The following ASTL variants were observed in gnomAD, a reference collection of about 807,000 sequenced individuals.
The protein encoded by ASTL is astacin-like metalloendopeptidase.
A neutral mutation model predicts 36.7 loss-of-function variants in ASTL; 27 were observed. The ratio of observed to expected loss-of-function variants is 0.73; its 90% CI spans 0.54 to 1.01. The LOEUF (loss-of-function observed/expected upper bound fraction) is 1.01. Among genes scored for constraint, ASTL ranks in the 50% least tolerant of loss-of-function variants. ASTL has a pLI of 0.00. For missense variants in ASTL, 524 were observed against 572.8 expected (o/e 0.91, Z 0.87); for synonymous variants, 222 against 228.1 (o/e 0.97, Z 0.24).
In ASTL at chr2:96,138,403, G is replaced by A. The variant is rs1010705297; in HGVS notation, c.34C>T (p.Leu12=). 24 of 1,610,628 alleles carry A rather than the reference G, an allele frequency of 1.5e-5. No homozygotes were observed. Among genetic ancestry groups the A allele is most frequent in the Non-Finnish European group, 2.0e-5 (23 of 1,178,538 alleles). ...EGVGGLWPWV[L]GLLSLPGVIL... is the part of the protein sequence containing the mutation. ...TTACCTGGCAAGGAGAGCAGACCCA[G>A]CACCCAAGGCCAGAGACCCCCTACA... The change falls in exon 1 of 9, where the codon CTG becomes TTG. Residue 12 remains leucine, a synonymous_variant. Transcript: ENST00000342380.
rs1303196059 is a variant in ASTL, at chr2:96,137,543, C to T, written c.181+32G>A. 5 of 1,608,294 alleles carry T rather than the reference C, an allele frequency of 3.1e-6. No homozygotes were observed. The South Asian group carries it at 5.5e-5, about 18-fold the overall frequency. ...TTTCACACTACATAACGTCGTGCCCCTCCAGGCCGTGAGAAGATGTAGTGC... is the reference window on the plus strand; with the variant it reads ...TTTCACACTACATAACGTCGTGCCCTTCCAGGCCGTGAGAAGATGTAGTGC... On this transcript the variant is annotated intron_variant, in intron 2 of 8. Coordinates refer to ENST00000342380, the MANE Select transcript of ASTL (RefSeq NM_001002036.4).
At position 96,130,625 on chromosome 2, in the gene ASTL, C is replaced by T. The variant is rs188220114; in HGVS notation, c.638-480G>A. 4.8e-4 allele frequency among the ~76,000 whole-genome samples: 73 copies of T among 152,334 alleles called. 1 individual carries two copies. The East Asian group carries it at 0.012, about 25-fold the overall frequency. Reference sequence around the variant, plus strand: ...GTTCTTCCTGTGTCAGGCCACAACACTTCCCCAGATTTGGAGCCCATCTCC... The same window carrying T: ...GTTCTTCCTGTGTCAGGCCACAACATTTCCCCAGATTTGGAGCCCATCTCC... On this transcript the variant is annotated intron_variant, in intron 6 of 8. Coordinates refer to ENST00000342380, the MANE Select transcript of ASTL (RefSeq NM_001002036.4).
At chr2:96,127,747 AT>A (rs879828090) in intron 8 of ASTL, among the ~76,000 whole-genome samples, 13 of 151,624 alleles carry the variant, frequency 8.6e-5, no homozygotes, top group Admixed American at 1.3e-4. Context: ...TAATTTTTGT[AT>A]TTTTTTTAAG....
In ASTL at chr2:96,130,689, C is replaced by G. The variant is rs530670357; in HGVS notation, c.638-544G>C. ...CCCCCAGGCCTTCAGAGGGATTGCTCCCCCAATCCTCCCAAATCCAGCCAG... is the reference window on the plus strand; with the variant it reads ...CCCCCAGGCCTTCAGAGGGATTGCTGCCCCAATCCTCCCAAATCCAGCCAG... On this transcript the variant is annotated intron_variant, in intron 6 of 8. Coordinates refer to ENST00000342380, the MANE Select transcript of ASTL (RefSeq NM_001002036.4). Among the ~76,000 whole-genome samples the G allele has an allele frequency of 7.2e-5, 11 of 152,146 alleles. No homozygotes were observed. In the South Asian group the frequency reaches 8.3e-4, roughly 11 times the overall value.
intron 6 of ASTL, among the ~76,000 whole-genome samples, chr2:96,131,091 A>G (rs1442278321): frequency 6.6e-6 from 1 of 152,206 alleles, no homozygotes; most frequent in Admixed American, 6.5e-5. Context: ...CCCGTGTTTT[A>G]GCCTGTTTTA....
At chr2:96,134,182 G>A (rs1411584134) in intron 3 of ASTL, 124 bp from the exon 4 acceptor site, 1 of 695,544 alleles carries the variant, frequency 1.4e-6, no homozygotes, top group Non-Finnish European at 2.6e-6. Flanking sequence ...GTGTGCATGG[G>A]AATGGGGGAC....
intron 3 of ASTL, among the ~76,000 whole-genome samples, chr2:96,134,609 G>A (rs764359964): frequency 2.0e-5 from 3 of 152,164 alleles, no homozygotes; most frequent in Non-Finnish European, 4.4e-5. Context: ...TCTGCTCCGG[G>A]TGGTCGCACA....
Position 96,133,414 on chromosome 2 carries a change from C to T in ASTL, c.455+11G>A, listed in dbSNP as rs1247410427. 1.3e-6 allele frequency: 2 copies of T among 1,551,882 alleles called. No homozygotes were observed. The highest frequency in any genetic ancestry group is 2.7e-5 in the African/African-American group (2 of 73,698). ...GCGAGCTGAGATACGCATCCTGGCC[C>T]CGGCACTTACCCATACATGGGGATG... is the stretch of plus-strand genomic sequence containing the variant. On this transcript the variant is annotated intron_variant, in intron 5 of 8. Transcript: ENST00000342380.
Position 96,130,051 on chromosome 2 carries a change from G to T in ASTL, c.719+13C>A, listed in dbSNP as rs776358748. 21 of 1,613,260 alleles carry T rather than the reference G, an allele frequency of 1.3e-5. No individual in the cohort carries two copies. The highest frequency in any genetic ancestry group is 4.0e-5 in the African/African-American group (3 of 74,918). The stretch of plus-strand genomic sequence containing the variant: ...CTGGGGGAAGCAGAGGGAGAAGAAG[G>T]CAGGGTCCTCACCTCCCATAGTGCA... On this transcript the variant is annotated intron_variant, in intron 7 of 8. Coordinates refer to ENST00000342380, the MANE Select transcript of ASTL (RefSeq NM_001002036.4).
chr2:96,125,185 G>A (rs1196274122), intron 8 of ASTL, among the ~76,000 whole-genome samples: 1 of 152,154 alleles, frequency 6.6e-6, no homozygotes, highest in East Asian at 1.9e-4. Context: ...CTCGGAGGTA[G>A]CCTCAACCAC....
chr2:96,128,271 A>G (rs1682103323), intron 8 of ASTL, among the ~76,000 whole-genome samples: 1 of 150,930 alleles, frequency 6.6e-6, no homozygotes. Context: ...CTGTATTTTC[A>G]CTTTCTTTTT....
intron 3 of ASTL, 92 bp downstream of exon 3, chr2:96,135,259 C>T: frequency 9.7e-7 from 1 of 1,026,166 alleles, no homozygotes; most frequent in Admixed American, 1.9e-5. Flanking sequence ...GTCCCTCACA[C>T]ATCAGGCCCC....
intron 8 of ASTL, among the ~76,000 whole-genome samples, chr2:96,128,010 A>G (rs1188283756): frequency 6.6e-6 from 1 of 152,112 alleles, no homozygotes; most frequent in Non-Finnish European, 1.5e-5. Context: ...AGGCAGGGGG[A>G]TCACCTGAGG....
In ASTL at chr2:96,129,829, C is replaced by T. The variant is rs764595372; in HGVS notation, c.869G>A (p.Gly290Glu). Residue 290 changes from glycine (G) to glutamate (E), a missense_variant, in exon 8 of 9, where the codon GGG (glycine) becomes GAG (glutamate). Transcript: ENST00000342380. ...CTTCCTGCCATGCCACTCACCTCTC[C>T]CACGGGGCCTGGGGCCACTTGGGCT... ...GCSPSGPRPR[G>E]RGSHAHSTGR... is the part of the protein sequence containing the mutation. 1 of 1,548,522 alleles carries T rather than the reference C, an allele frequency of 6.5e-7. No individual in the cohort carries two copies. Among genetic ancestry groups the T allele is most frequent in the Non-Finnish European group, 8.7e-7 (1 of 1,144,820 alleles).
Position 96,133,855 on chromosome 2 carries a change from G to A in ASTL, c.337+110C>T, listed in dbSNP as rs12614113. 1.5e-3 allele frequency: 1,125 copies of A among 767,762 alleles called. 17 individuals are homozygous for A. In the East Asian group the frequency reaches 0.027, roughly 18 times the overall value. 47.6% of individuals were successfully genotyped at this position (767,762 alleles called of 1,614,324 possible). ...GCATCTGTGGACAGGTTCTTCGGGT[G>A]GGGAGGTGGAAGGGATGTGATGGTG... On this transcript the variant is annotated intron_variant, in intron 4 of 8. Transcript: ENST00000342380.
rs139152188 is a variant in ASTL at position 96,132,617 on chromosome 2, A to G, written c.560T>C (p.Val187Ala). The G allele has an allele frequency of 1.8e-3, 2,972 of 1,613,416 alleles. 4 individuals carry two copies. Among genetic ancestry groups the G allele is most frequent in the Non-Finnish European group, 2.2e-3 (2,648 of 1,179,628 alleles). The change falls in exon 6 of 9, where the codon GTG (valine) becomes GCG (alanine). Residue 187 changes from valine (V) to alanine (A), a missense_variant. Physicochemically the swap from Val to Ala is moderately conservative, Grantham distance 64. Transcript: ENST00000342380. This position sits in a 1 kb window ranked among gnomAD's most constrained non-coding sequence, Gnocchi z 5.4. Reference protein sequence around the residue: ...RGIVLHELMHVLGFWHEHTRA... With the variant: ...RGIVLHELMHALGFWHEHTRA... ...CGTGTGCTCGTGCCAGAAGCCCAGC[A>G]CATGCATGAGCTCATGAAGGACAAT...
At chr2:96,130,686 G>A (rs1284251996) in intron 6 of ASTL, among the ~76,000 whole-genome samples, 2 of 152,042 alleles carry the variant, frequency 1.3e-5, no homozygotes, top group Non-Finnish European at 2.9e-5. Context: ...CAGAGGGATT[G>A]CTCCCCCAAT....
At position 96,125,913 on chromosome 2, in the gene ASTL, A is replaced by AT. The variant is rs1049322468; in HGVS notation, c.875-1643dup. 8.4e-3 allele frequency among the ~76,000 whole-genome samples: 1,250 copies of AT among 148,480 alleles called. 10 individuals carry two copies. The highest frequency in any genetic ancestry group is 0.025 in the African/African-American group (1,002 of 40,714). Reference sequence around the variant, plus strand: ...TTCTCACCACATCTGTCCTTTAGGGATTTTTTTTTTTAGATGTTTAGTACA... The same window carrying AT: ...TTCTCACCACATCTGTCCTTTAGGGATTTTTTTTTTTTAGATGTTTAGTACA... On this transcript the variant is annotated intron_variant, in intron 8 of 8. Coordinates refer to ENST00000342380, the MANE Select transcript of ASTL (RefSeq NM_001002036.4).
In ASTL at chr2:96,128,767, A is replaced by T. The variant is rs574928270; in HGVS notation, c.874+1057T>A. Among the ~76,000 whole-genome samples, 8 of 152,306 alleles carry T rather than the reference A, an allele frequency of 5.3e-5. No individual in the cohort carries two copies. In the East Asian group the frequency reaches 1.5e-3, roughly 29 times the overall value. On this transcript the variant is annotated intron_variant, in intron 8 of 8. Coordinates refer to ENST00000342380, the MANE Select transcript of ASTL (RefSeq NM_001002036.4). The stretch of plus-strand genomic sequence containing the variant: ...GCTATTATTGACCTTTCATATTCTC[A>T]TATAAAAACTTTATAATCACCCTGT...
Sources: gnomAD v4.1 joint callset for allele counts (sites outside exome capture counted in the v4.1 genomes callset) on GRCh38, gnomAD v4.1.1 for gene constraint, Gnocchi (gnomAD v3.1) non-coding constraint, MANE v1.5 for transcripts, NCBI Gene and HGNC (gene_info 2026-07-23, HGNC 2026-07-21) for gene names.